The following NR3C2 variants were observed in gnomAD, a reference collection of about 807,000 sequenced individuals.
NR3C2 encodes mineralocorticoid receptor.
Under a neutral mutation model 86.4 loss-of-function variants are expected in NR3C2, and 15 were observed. That is an observed-to-expected ratio of 0.17 (90% confidence interval 0.12 to 0.27). The LOEUF is 0.27. NR3C2 is among the 10% of genes least tolerant of loss of function. NR3C2 has a pLI of 1.00. For synonymous variants in NR3C2, 458 were observed against 450.5 expected, an observed-to-expected ratio of 1.02 and a Z score of -0.21; for missense variants, 960 against 1,195.6, an observed-to-expected ratio of 0.80 and a Z score of 2.91.
intron 2 of NR3C2, among the ~76,000 whole-genome samples, chr4:148,328,945 T>C (rs1259296077): frequency 6.6e-6 from 1 of 152,246 alleles, no homozygotes; most frequent in African/African-American, 2.4e-5. Flanking sequence ...TTCTTGATGA[T>C]AAAACTACAT....
chr4:148,209,243 C>CAA (rs772286541), intron 3 of NR3C2, among the ~76,000 whole-genome samples: 3,029 of 108,422 alleles, frequency 0.028, 124 homozygotes, highest in African/African-American at 0.098. Context: ...GACTCAGTCT[C>CAA]AAAAAAAAAA....
intron 3 of NR3C2, among the ~76,000 whole-genome samples, chr4:148,245,214 T>C (rs946039838): frequency 3.3e-5 from 5 of 152,212 alleles, no homozygotes; most frequent in African/African-American, 1.2e-4. Flanking sequence ...ATTTATTTAA[T>C]GTCTACAATG....
At chr4:148,135,270 C>G (rs747813628) in intron 6 of NR3C2, among the ~76,000 whole-genome samples, 2 of 152,132 alleles carry the variant, frequency 1.3e-5, no homozygotes, top group Non-Finnish European at 1.5e-5. Context: ...ACAATCACCT[C>G]CTGTAGGAGG....
At chr4:148,439,153 G>A (rs962605575) in intron 1 of NR3C2, among the ~76,000 whole-genome samples, 3 of 152,076 alleles carry the variant, frequency 2.0e-5, no homozygotes, top group African/African-American at 7.2e-5. Flanking sequence ...GCTAAGACTG[G>A]CCTTTTATGC....
At chr4:148,256,414 G>A (rs1739835180) in intron 3 of NR3C2, among the ~76,000 whole-genome samples, 1 of 152,168 alleles carries the variant, frequency 6.6e-6, no homozygotes, top group African/African-American at 2.4e-5. Flanking sequence ...TTTGTTCATA[G>A]AGGATAGTAA....
intron 2 of NR3C2, among the ~76,000 whole-genome samples, chr4:148,343,255 C>T (rs1389503625): frequency 2.6e-5 from 4 of 152,128 alleles, no homozygotes; most frequent in Admixed American, 1.3e-4. Flanking sequence ...CTTCATTCTG[C>T]TGGTCCTTGT....
intron 2 of NR3C2, among the ~76,000 whole-genome samples, chr4:148,424,708 T>C (rs1207325359): frequency 7.0e-6 from 1 of 143,680 alleles, no homozygotes; most frequent in East Asian, 2.0e-4. Flanking sequence ...ATAGACAACA[T>C]AGAAAAAAAA....
chr4:148,258,741 T>A (rs1294485536), intron 3 of NR3C2, among the ~76,000 whole-genome samples: 1 of 152,204 alleles, frequency 6.6e-6, no homozygotes, highest in Non-Finnish European at 1.5e-5. Flanking sequence ...GCGAGCGGGA[T>A]TGAGTTCTAA....
At chr4:148,358,203 G>A (rs374089940) in intron 2 of NR3C2, among the ~76,000 whole-genome samples, 17 of 151,996 alleles carry the variant, frequency 1.1e-4, no homozygotes, top group East Asian at 5.8e-4. Flanking sequence ...TCACAATAGC[G>A]AAGACTTGGA....
At chr4:148,318,544 C>A (rs1243798196) in intron 2 of NR3C2, among the ~76,000 whole-genome samples, 1 of 151,394 alleles carries the variant, frequency 6.6e-6, no homozygotes, top group Non-Finnish European at 1.5e-5. Context: ...CCTGTTGTTT[C>A]CTGACTTTTT....
chr4:148,293,888 G>A (rs556709345), intron 2 of NR3C2, among the ~76,000 whole-genome samples: 2 of 152,114 alleles, frequency 1.3e-5, no homozygotes, highest in Non-Finnish European at 2.9e-5. Context: ...ACATGACCAC[G>A]GTTTGTTGGG....
intron 8 of NR3C2, among the ~76,000 whole-genome samples, chr4:148,110,650 G>C (rs1732008379): frequency 6.6e-6 from 1 of 152,120 alleles, no homozygotes. Context: ...TATAAATAGA[G>C]TATTCAAGAT....
rs146386941 is a variant in NR3C2 at position 148,435,711 on chromosome 4, T to G, written c.1150A>C (p.Ile384Leu). The G allele has an allele frequency of 1.2e-5, 20 of 1,614,084 alleles. No homozygotes were observed. The African/African-American group carries it at 1.7e-4, about 14-fold the overall frequency. Residue 384 changes from isoleucine (I) to leucine (L), a missense_variant, in exon 2 of 9, where the codon ATC becomes CTC. Coordinates refer to ENST00000358102, the MANE Select transcript of NR3C2 (RefSeq NM_000901.5). Reference sequence around the variant, plus strand: ...AGCTGGCCAGTCACACCATTTGAGATGGCACTCTCTACTTCCTCAGTCTTA... The same window carrying G: ...AGCTGGCCAGTCACACCATTTGAGAGGGCACTCTCTACTTCCTCAGTCTTA... ...FPKTEEVESA[I>L]SNGVTGQLNI...
At chr4:148,282,372 A>G (rs1015048507) in intron 2 of NR3C2, among the ~76,000 whole-genome samples, 3 of 152,182 alleles carry the variant, frequency 2.0e-5, no homozygotes, top group Non-Finnish European at 4.4e-5. Context: ...TATTTCCTAC[A>G]TGGTAGGCTC....
intron 2 of NR3C2, among the ~76,000 whole-genome samples, chr4:148,276,895 G>A (rs1008433316): frequency 1.3e-5 from 2 of 152,106 alleles, no homozygotes; most frequent in Non-Finnish European, 2.9e-5. Flanking sequence ...CTTTTATAAA[G>A]TTTCAAGAAT....
intron 4 of NR3C2, among the ~76,000 whole-genome samples, chr4:148,189,118 G>A (rs531588903): frequency 4.7e-4 from 72 of 151,974 alleles, no homozygotes; most frequent in South Asian, 1.9e-3. Context: ...TAGTAGAGAC[G>A]GGGTTTTGCC....
intron 2 of NR3C2, among the ~76,000 whole-genome samples, chr4:148,302,671 C>T (rs371884246): frequency 6.6e-6 from 1 of 150,736 alleles, no homozygotes; most frequent in Non-Finnish European, 1.5e-5. Flanking sequence ...GGCCTCATAC[C>T]TTGTCTACAC....
At chr4:148,246,590 T>C (rs1211992146) in intron 3 of NR3C2, among the ~76,000 whole-genome samples, 1 of 152,198 alleles carries the variant, frequency 6.6e-6, no homozygotes, top group African/African-American at 2.4e-5. Flanking sequence ...TCGCTCTTGT[T>C]GCCCAGGCTG....
chr4:148,341,195 G>A lies in NR3C2; in HGVS notation c.1758-81078C>T, dbSNP rs78049070. ...CAATAGCCCAAACTATTCAATAGCC[G>A]TGATACGTAATCAATCTAAGTGTCC... On this transcript the variant is annotated intron_variant, in intron 2 of 8. Coordinates refer to ENST00000358102, the MANE Select transcript of NR3C2 (RefSeq NM_000901.5). Among the ~76,000 whole-genome samples, 883 of 152,170 alleles carry A rather than the reference G, an allele frequency of 5.8e-3. 8 individuals carry two copies. Among genetic ancestry groups the A allele is most frequent in the African/African-American group, 0.02 (815 of 41,508 alleles).
Sources: gnomAD v4.1 joint callset for allele counts (sites outside exome capture counted in the v4.1 genomes callset) on GRCh38, gnomAD v4.1.1 for gene constraint, MANE v1.5 for transcripts, NCBI Gene and HGNC (gene_info 2026-07-23, HGNC 2026-07-21) for gene names.